The following UPF1 variants were observed in gnomAD, a reference collection of about 807,000 sequenced individuals.
UPF1 encodes the protein regulator of nonsense transcripts 1.
UPF1 carries 9 observed loss-of-function variants against 129.2 expected under a neutral mutation model. The ratio of observed to expected loss-of-function variants is 0.07; its 90% CI spans 0.04 to 0.12. The LOEUF (loss-of-function observed/expected upper bound fraction) is 0.12. Ranked by LOEUF, UPF1 falls within the 10% of genes least tolerant of loss-of-function variation. UPF1 has a pLI of 1.00. For synonymous variants in UPF1, 649 were observed against 644.9 expected (o/e 1.01, Z -0.10); for missense variants, 788 against 1,525.3 (o/e 0.52, Z 8.05).
Position 18,850,899 on chromosome 19 carries a change from T to C in UPF1, c.810+31T>C, listed in dbSNP as rs1400455336. 1 of 1,506,286 alleles carries C rather than the reference T, an allele frequency of 6.6e-7. No homozygotes were observed. Among genetic ancestry groups the C allele is most frequent in the East Asian group, 2.4e-5 (1 of 42,064 alleles). 93.3% of individuals were successfully genotyped at this position (1,506,286 alleles called of 1,614,324 possible). On this transcript the variant is annotated intron_variant, in intron 5 of 23. Coordinates refer to ENST00000262803, the MANE Select transcript of UPF1 (RefSeq NM_002911.4). This position sits in a 1 kb window ranked among gnomAD's most constrained non-coding sequence, Gnocchi z 7.1. ...GCTGCCCAGCGGGCCGACCCGTGCCTTCGTGTGGTTTCTGGTTGCGGGGAG... is the reference window on the plus strand; with the variant it reads ...GCTGCCCAGCGGGCCGACCCGTGCCCTCGTGTGGTTTCTGGTTGCGGGGAG...
rs2055842553 is a variant in UPF1 at position 18,866,233 on chromosome 19, C to T, written c.*3+67C>T. The T allele has an allele frequency of 1.1e-5, 17 of 1,486,078 alleles. No individual in the cohort carries two copies. The South Asian group carries it at 2.0e-4, about 18-fold the overall frequency. 92.1% of individuals were successfully genotyped at this position (1,486,078 alleles called of 1,614,324 possible). The stretch of plus-strand genomic sequence containing the variant: ...AGGAGAAGGATGGGAGGGGGCTCTC[C>T]CCAGGGAGCTGCACTGGAGGGGTGG... On this transcript the variant is annotated intron_variant, in intron 23 of 23. Coordinates refer to ENST00000262803, the MANE Select transcript of UPF1 (RefSeq NM_002911.4).
chr19:18,850,904 GT>G lies in UPF1; in HGVS notation c.810+37del. 1 of 1,497,322 alleles carries G rather than the reference GT, an allele frequency of 6.7e-7. No individual in the cohort carries two copies. Among genetic ancestry groups the G allele is most frequent in the South Asian group, 1.3e-5 (1 of 75,988 alleles). 92.8% of individuals were successfully genotyped at this position (1,497,322 alleles called of 1,614,324 possible). A position where few individuals can be genotyped will look rare whatever the true frequency, so the allele number is the denominator to read the frequency against. ...CCAGCGGGCCGACCCGTGCCTTCGT[GT>G]GGTTTCTGGTTGCGGGGAGGGGAGT... On this transcript the variant is annotated intron_variant, in intron 5 of 23. Coordinates refer to ENST00000262803, the MANE Select transcript of UPF1 (RefSeq NM_002911.4). The surrounding 1 kb of genome is among the most constrained non-coding windows in gnomAD (Gnocchi z 7.1).
chr19:18,861,704 G>C (rs140643463), intron 17 of UPF1, among the ~76,000 whole-genome samples: 1 of 152,288 alleles, frequency 6.6e-6, no homozygotes, highest in Admixed American at 6.5e-5. Context: ...GGTGGCATGT[G>C]TCTATGGTCC....
rs1343993440 is a variant in UPF1 at position 18,831,991 on chromosome 19, C to T, written c.-219C>T. 1 of 306,090 alleles carries T rather than the reference C, an allele frequency of 3.3e-6. No homozygotes were observed. 19.0% of individuals were successfully genotyped at this position (306,090 alleles called of 1,614,324 possible). A position where few individuals can be genotyped will look rare whatever the true frequency, so the allele number is the denominator to read the frequency against. ...GCTCTAGGCTGCGAGCGGCTGGCGG[C>T]TTCGAGGGGAGCTGAGGCGCGGAGG... On this transcript the variant is annotated 5_prime_UTR_variant, in exon 1 of 24. Coordinates refer to ENST00000262803, the MANE Select transcript of UPF1 (RefSeq NM_002911.4).
chr19:18,847,332 G>A (rs2055611560), intron 2 of UPF1, among the ~76,000 whole-genome samples: 1 of 152,222 alleles, frequency 6.6e-6, no homozygotes, highest in Non-Finnish European at 1.5e-5. Context: ...CTGAGCTTCA[G>A]GGCGCTGCTG....
At chr19:18,845,268 A>G (rs2055585417) in intron 1 of UPF1, among the ~76,000 whole-genome samples, 1 of 152,176 alleles carries the variant, frequency 6.6e-6, no homozygotes, top group African/African-American at 2.4e-5. Context: ...GGGCCATGCC[A>G]GGGACTGTTG....
At chr19:18,856,519 C>G (rs1460468879) in intron 13 of UPF1, among the ~76,000 whole-genome samples, 1 of 152,172 alleles carries the variant, frequency 6.6e-6, no homozygotes, top group Non-Finnish European at 1.5e-5. Context: ...CCAGCCTCCA[C>G]TGGGATCCGG....
chr19:18,860,510 T>C, intron 16 of UPF1, 72 bp downstream of exon 16: 1 of 1,490,920 alleles, frequency 6.7e-7, no homozygotes, highest in Non-Finnish European at 9.3e-7. Flanking sequence ...CCCATTCTAC[T>C]TATTTTTAAC....
chr19:18,852,746 G>T (rs2055674489), intron 6 of UPF1, among the ~76,000 whole-genome samples: 3 of 151,626 alleles, frequency 2.0e-5, no homozygotes, highest in Admixed American at 1.3e-4. Flanking sequence ...GGCCACGGAG[G>T]CCTCTGGTGT....
At chr19:18,847,054 G>A (rs958057782) in intron 2 of UPF1, among the ~76,000 whole-genome samples, 7 of 152,240 alleles carry the variant, frequency 4.6e-5, no homozygotes, top group South Asian at 4.1e-4. Flanking sequence ...CTCCTTGCCC[G>A]CGTGCTGCCC....
chr19:18,855,496 G>C (rs1412606076), intron 11 of UPF1: 2 of 579,366 alleles, frequency 3.5e-6, no homozygotes, highest in Non-Finnish European at 3.1e-6. Flanking sequence ...AGCAGCGTGA[G>C]TTCCGTGTGC....
rs568176952 is a variant in UPF1, at chr19:18,847,733, T to C, written c.372-11T>C. 6.2e-7 allele frequency: 1 copy of C among 1,612,998 alleles called. No homozygotes were observed. Among genetic ancestry groups the C allele is most frequent in the Non-Finnish European group, 8.5e-7 (1 of 1,178,984 alleles). ...CTTCCAGCTGTAACTGTCGCTGTTTTGATTTTTTAGTTACTGTGGAATACA... is the reference window on the plus strand; with the variant it reads ...CTTCCAGCTGTAACTGTCGCTGTTTCGATTTTTTAGTTACTGTGGAATACA... On this transcript the variant is annotated splice_polypyrimidine_tract_variant and intron_variant, in intron 2 of 23. Transcript: ENST00000262803.
intron 1 of UPF1, among the ~76,000 whole-genome samples, chr19:18,844,318 T>G (rs2055575687): frequency 6.7e-6 from 1 of 149,012 alleles, no homozygotes; most frequent in African/African-American, 2.5e-5. Context: ...GTTTGGGTTT[T>G]TCTTTTTTCT....
At chr19:18,852,932 C>T in intron 6 of UPF1, 55 bp from the exon 7 acceptor site, 1 of 1,489,090 alleles carries the variant, frequency 6.7e-7, no homozygotes, top group Non-Finnish European at 9.3e-7. Flanking sequence ...ATGTGGAGGC[C>T]AGGCCCGGGC....
chr19:18,866,149 C>T lies in UPF1; in HGVS notation c.3343C>T (p.Leu1115=). The T allele has an allele frequency of 3.1e-6, 5 of 1,605,794 alleles. No homozygotes were observed. Among genetic ancestry groups the T allele is most frequent in the Non-Finnish European group, 4.3e-6 (5 of 1,176,198 alleles). ...TTACCAGCATGGCGGGGTGACGGGGCTGTCCCAGTATTAAAAGGCAAGCCC... is the reference window on the plus strand; with the variant it reads ...TTACCAGCATGGCGGGGTGACGGGGTTGTCCCAGTATTAAAAGGCAAGCCC... ...RAYQHGGVTG[L]SQY is the part of the protein sequence containing the mutation. Residue 1115 remains leucine, a synonymous_variant, in exon 23 of 24, where the codon CTG becomes TTG. Coordinates refer to ENST00000262803, the MANE Select transcript of UPF1 (RefSeq NM_002911.4).
Position 18,862,086 on chromosome 19 carries a change from A to G in UPF1, c.2534A>G (p.Asn845Ser), listed in dbSNP as rs1212672868. The G allele has an allele frequency of 1.9e-6, 3 of 1,614,130 alleles. No homozygotes were observed. The highest frequency in any genetic ancestry group is 2.5e-6 in the Non-Finnish European group (3 of 1,180,038). ...ATCATCCTGTCCTGTGTGCGGGCCAACGAGCACCAAGGCATTGGCTTTTTA... is the reference window on the plus strand; with the variant it reads ...ATCATCCTGTCCTGTGTGCGGGCCAGCGAGCACCAAGGCATTGGCTTTTTA... ...DFIILSCVRA[N>S]EHQGIGFLND... Residue 845 changes from asparagine to serine, a missense_variant, in exon 18 of 24, where the codon AAC (asparagine) becomes AGC (serine). Around this residue, in one of 6 missense-constraint regions of UPF1, gnomAD observed 140 missense variants for 385.9 expected, o/e 0.36. Transcript: ENST00000262803.
chr19:18,835,345 T>TC (rs1281656865), intron 1 of UPF1, among the ~76,000 whole-genome samples: 1 of 150,772 alleles, frequency 6.6e-6, no homozygotes, highest in Non-Finnish European at 1.5e-5. Flanking sequence ...ATCATTTCAT[T>TC]CCTTTTTTTT....
At chr19:18,857,138 G>A in intron 14 of UPF1, 118 bp downstream of exon 14, 4 of 1,514,584 alleles carry the variant, frequency 2.6e-6, no homozygotes, top group Non-Finnish European at 3.6e-6. Context: ...CACACTGGGG[G>A]CTCCCTGAGG....
In UPF1 at chr19:18,832,267, G is replaced by A; in HGVS notation, c.58G>A (p.Glu20Lys). ...SQTLTFLDTE[E>K]AELLGADTQG... ...GACTCTCACTTTCCTGGACACGGAG[G>A]AGGCCGAGCTGCTTGGCGCCGACAC... Residue 20 changes from glutamate (E) to lysine (K), a missense_variant, in exon 1 of 24, where the codon GAG (glutamate) becomes AAG (lysine). By Grantham distance (56) the Glu-to-Lys change is moderately conservative (BLOSUM62 1). Transcript: ENST00000262803. The surrounding 1 kb of genome is among the most constrained non-coding windows in gnomAD (Gnocchi z 5.6). The A allele has an allele frequency of 6.4e-7, 1 of 1,552,490 alleles. No individual in the cohort carries two copies. The highest frequency in any genetic ancestry group is 8.7e-7 in the Non-Finnish European group (1 of 1,149,292).
Sources: allele counts gnomAD v4.1 joint callset (sites outside exome capture counted in the v4.1 genomes callset), GRCh38; gene constraint gnomAD v4.1.1; regional missense constraint gnomAD v4.1.1; non-coding constraint Gnocchi (gnomAD v3.1); transcripts MANE v1.5; gene names NCBI Gene and HGNC (gene_info 2026-07-23, HGNC 2026-07-21).